The following NSRP1 variants were observed in gnomAD, a reference collection of about 807,000 sequenced individuals.
NSRP1 encodes nuclear speckle splicing regulatory protein 1, also known as coiled-coil domain containing 55.
A neutral mutation model predicts 54.7 loss-of-function variants in NSRP1; 24 were observed. The observed-to-expected ratio is 0.44, with a 90% CI of 0.32 to 0.62. The LOEUF is 0.62. Among genes scored for constraint, NSRP1 ranks in the 20% least tolerant of loss-of-function variants. The probability of loss-of-function intolerance (pLI) is 0.06; values close to 1 mark genes in which losing one functional copy is unlikely to be tolerated. For synonymous variants in NSRP1, 210 were observed against 213.8 expected (o/e 0.98, Z 0.15); for missense variants, 596 against 651.2 (o/e 0.92, Z 0.92).
rs1444905832 is a variant in NSRP1 at position 30,172,546 on chromosome 17, CTGTG to C, written c.120_123del (p.Ser42LysfsTer13). 1.9e-6 allele frequency: 3 copies of C among 1,608,798 alleles called. No homozygotes were observed. The highest frequency in any genetic ancestry group is 2.5e-6 in the Non-Finnish European group (3 of 1,177,092). ...CAATATATTTCTGTTTTACAGACCT[CTGTG>C]AGTGAAAGCCTTCAGAGGGAAGCTG... On this transcript the variant is annotated frameshift_variant, in exon 3 of 7. Transcript: ENST00000247026. LOFTEE classifies it high-confidence loss of function.
chr17:30,165,719 G>A (rs1004322700), intron 2 of NSRP1, among the ~76,000 whole-genome samples: 3 of 152,142 alleles, frequency 2.0e-5, no homozygotes, highest in African/African-American at 7.2e-5. Flanking sequence ...TTCTAGTTAC[G>A]CTATAGCTCC....
intron 2 of NSRP1, chr17:30,150,324 C>A (rs1268220970): frequency 6.6e-6 from 1 of 151,916 alleles, no homozygotes; most frequent in African/African-American, 2.4e-5. Context: ...TGTGATCTGC[C>A]TGCCTTGGCC....
intron 6 of NSRP1, among the ~76,000 whole-genome samples, chr17:30,181,398 CTTT>C (rs61484398): frequency 9.8e-5 from 12 of 121,896 alleles, no homozygotes; most frequent in African/African-American, 2.2e-4. Context: ...TTTCTTTTTT[CTTT>C]TTTTTTTTTT....
In NSRP1 at chr17:30,185,331, A is replaced by G; in HGVS notation, c.1334A>G (p.Gln445Arg). The stretch of plus-strand genomic sequence containing the variant: ...AGAGAAAAACGAGAGGTAGGTGTTC[A>G]GTCTTCAGAAAGAAATCAAGACAGA... Reference protein sequence around the residue: ...RDREKREVGVQSSERNQDRKE... With the variant: ...RDREKREVGVRSSERNQDRKE... Residue 445 changes from glutamine (Q) to arginine (R), a missense_variant, in exon 7 of 7, where the codon CAG becomes CGG. Physicochemically the swap from Gln to Arg is conservative, Grantham distance 43. Coordinates refer to ENST00000247026, the MANE Select transcript of NSRP1 (RefSeq NM_032141.4). The G allele has an allele frequency of 6.2e-7, 1 of 1,609,234 alleles. No homozygotes were observed. Among genetic ancestry groups the G allele is most frequent in the Non-Finnish European group, 8.5e-7 (1 of 1,178,760 alleles).
intron 4 of NSRP1, 59 bp from the exon 5 acceptor site, chr17:30,179,031 T>C (rs759733551): frequency 1.5e-5 from 15 of 1,031,910 alleles, no homozygotes; most frequent in Non-Finnish European, 2.0e-5. Flanking sequence ...TTATAAAAAT[T>C]ATAATATTAA....
chr17:30,182,894 A>G (rs1269502825), intron 6 of NSRP1, among the ~76,000 whole-genome samples: 1 of 152,218 alleles, frequency 6.6e-6, no homozygotes, highest in Non-Finnish European at 1.5e-5. Context: ...AGATTGCGCC[A>G]CTGCACTCCA....
chr17:30,177,854 A>G, intron 3 of NSRP1: 1 of 600,396 alleles, frequency 1.7e-6, no homozygotes, highest in Non-Finnish European at 3.0e-6. Context: ...GTACCAAAAG[A>G]TTACAAACAA....
intron 2 of NSRP1, among the ~76,000 whole-genome samples, chr17:30,153,579 A>G (rs1358495432): frequency 6.6e-6 from 1 of 152,046 alleles, no homozygotes; most frequent in African/African-American, 2.4e-5. Context: ...CTGTGTTTAT[A>G]TCATCCAGAT....
At chr17:30,171,970 ACACTCCCTCTCTCTCTCT>A (rs1372929144) in intron 2 of NSRP1, among the ~76,000 whole-genome samples, 2 of 99,052 alleles carry the variant, frequency 2.0e-5, no homozygotes, top group African/African-American at 7.1e-5. Flanking sequence ...ACACACACAC[ACACTCCCTCTCTCTCTCT>A]CTCTCTCTCT....
Position 30,131,734 on chromosome 17 carries a change from T to G in NSRP1, c.114+13561T>G, listed in dbSNP as rs945825346. Reference sequence around the variant, plus strand: ...CCGTAGCAATTTCTTAAGACAAAAATGAAGTTTGCTGCATTGATCGACTCT... The same window carrying G: ...CCGTAGCAATTTCTTAAGACAAAAAGGAAGTTTGCTGCATTGATCGACTCT... On this transcript the variant is annotated intron_variant, in intron 2 of 6. Coordinates refer to ENST00000247026, the MANE Select transcript of NSRP1 (RefSeq NM_032141.4). 3.9e-5 allele frequency among the ~76,000 whole-genome samples: 6 copies of G among 152,080 alleles called. No homozygotes were observed. The South Asian group carries it at 1.2e-3, about 32-fold the overall frequency.
chr17:30,181,573 TTTGTTG>T, intron 6 of NSRP1, among the ~76,000 whole-genome samples: 1 of 150,106 alleles, frequency 6.7e-6, no homozygotes, highest in South Asian at 2.1e-4. Flanking sequence ...TTTTGTGTTT[TTTGTTG>T]TTGTTGTTGT....
chr17:30,176,714 C>G (rs1287157754), intron 3 of NSRP1, among the ~76,000 whole-genome samples: 1 of 150,626 alleles, frequency 6.6e-6, no homozygotes, highest in Non-Finnish European at 1.5e-5. Flanking sequence ...TTTGTGTTAT[C>G]CAGGCTGGTT....
intron 4 of NSRP1, 65 bp downstream of exon 4, chr17:30,178,264 T>A: frequency 6.5e-7 from 1 of 1,536,932 alleles, no homozygotes; most frequent in Non-Finnish European, 8.7e-7. Flanking sequence ...TAATCTTATT[T>A]TAACATGAGA....
At chr17:30,136,848 G>A (rs935674163) in intron 2 of NSRP1, among the ~76,000 whole-genome samples, 5 of 152,134 alleles carry the variant, frequency 3.3e-5, no homozygotes, top group African/African-American at 1.2e-4. Flanking sequence ...CACAGCAGTA[G>A]TAATTATACA....
chr17:30,173,928 T>TA (rs1042092033), intron 3 of NSRP1, among the ~76,000 whole-genome samples: 2 of 152,204 alleles, frequency 1.3e-5, no homozygotes, highest in African/African-American at 4.8e-5. Flanking sequence ...CAGTGAAATA[T>TA]AATGTGTAAC....
intron 2 of NSRP1, chr17:30,128,332 A>G (rs1333633530): frequency 6.6e-6 from 1 of 151,956 alleles, no homozygotes; most frequent in Non-Finnish European, 1.5e-5. Context: ...AAAAATAGAA[A>G]TATCTAATGA....
chr17:30,148,690 CTA>C (rs1230007873), intron 2 of NSRP1, among the ~76,000 whole-genome samples: 2 of 152,176 alleles, frequency 1.3e-5, no homozygotes, highest in African/African-American at 2.4e-5. Flanking sequence ...AGGCAGAGGA[CTA>C]TTGCTTCCTG....
At chr17:30,133,829 A>G (rs1357391635) in intron 2 of NSRP1, among the ~76,000 whole-genome samples, 1 of 152,188 alleles carries the variant, frequency 6.6e-6, no homozygotes, top group African/African-American at 2.4e-5. Context: ...AATTCTCTCC[A>G]TATCAGCAAT....
intron 3 of NSRP1, among the ~76,000 whole-genome samples, chr17:30,175,850 A>G (rs1905106591): frequency 6.6e-6 from 1 of 152,134 alleles, no homozygotes; most frequent in Non-Finnish European, 1.5e-5. Context: ...TATTGATACA[A>G]AAATTAGCCG....
Sources: allele counts gnomAD v4.1 joint callset (sites outside exome capture counted in the v4.1 genomes callset), GRCh38; gene constraint gnomAD v4.1.1; transcripts MANE v1.5; gene names NCBI Gene and HGNC (gene_info 2026-07-23, HGNC 2026-07-21).